EFHD1: variants seen among roughly 807,000 people sequenced by gnomAD.
EFHD1 encodes EF-hand domain family member D1, also known as EF-hand domain-containing protein D1.
In EFHD1, 10 loss-of-function variants were observed where a neutral mutation model predicts 17.2. The observed-to-expected ratio is 0.58, with a 90% CI of 0.36 to 0.99. The LOEUF is 0.99. Among genes scored for constraint, EFHD1 ranks in the 50% least tolerant of loss-of-function variants. The pLI is 0.01. For synonymous variants in EFHD1, 153 were observed against 142.0 expected, an observed-to-expected ratio of 1.08 and a Z score of -0.55; for missense variants, 310 against 327.5, an observed-to-expected ratio of 0.95 and a Z score of 0.41.
At chr2:232,658,245 C>G (rs1694798092) in intron 1 of EFHD1, among the ~76,000 whole-genome samples, 1 of 152,154 alleles carries the variant, frequency 6.6e-6, no homozygotes, top group Non-Finnish European at 1.5e-5. Flanking sequence ...CTGTGGACAT[C>G]ACACCAGCTT....
Position 232,681,643 on chromosome 2 carries a change from A to G in EFHD1, c.644A>G (p.Glu215Gly). 1 of 1,614,234 alleles carries G rather than the reference A, an allele frequency of 6.2e-7. No homozygotes were observed. Among genetic ancestry groups the G allele is most frequent in the Non-Finnish European group, 8.5e-7 (1 of 1,180,048 alleles). The stretch of plus-strand genomic sequence containing the variant: ...GCAGAGTTGAAAGCTGAGCAAGATG[A>G]GCGGAAGCGGGAGGAGGAGGAGAGG... ...FEAELKAEQD[E>G]RKREEEERRL... The change falls in exon 4 of 4, where the codon GAG (glutamate) becomes GGG (glycine). Residue 215 changes from glutamate to glycine, a missense_variant. Coordinates refer to ENST00000264059, the MANE Select transcript of EFHD1 (RefSeq NM_025202.4).
intron 1 of EFHD1, among the ~76,000 whole-genome samples, chr2:232,647,653 T>TTTTTTTTTTTA (rs1553599475): frequency 4.0e-5 from 6 of 151,564 alleles, no homozygotes; most frequent in South Asian, 2.1e-4. Flanking sequence ...CTTTTTTTTT[T>TTTTTTTTTTTA]GAGACGGAGT....
upstream of EFHD1, among the ~76,000 whole-genome samples, chr2:232,629,853 GT>G (rs201057827): frequency 0.081 from 12,142 of 150,046 alleles, 531 homozygotes; most frequent in Non-Finnish European, 0.098. Context: ...GCCCCCTTTA[GT>G]TTTTTTTTTC....
chr2:232,660,362 T>A (rs1454250491), intron 1 of EFHD1, among the ~76,000 whole-genome samples: 1 of 151,602 alleles, frequency 6.6e-6, no homozygotes, highest in Non-Finnish European at 1.5e-5. Flanking sequence ...GCCCGGCTCA[T>A]TTTTTGTATT....
At chr2:232,608,091 C>T (rs1193722131) in intron 1 of EFHD1, among the ~76,000 whole-genome samples, 3 of 152,090 alleles carry the variant, frequency 2.0e-5, no homozygotes, top group Non-Finnish European at 2.9e-5. Flanking sequence ...TGCTGTAGGC[C>T]GGGCGTGGTG....
chr2:232,608,570 G>A (rs564604429), intron 1 of EFHD1, among the ~76,000 whole-genome samples: 1 of 152,214 alleles, frequency 6.6e-6, no homozygotes, highest in South Asian at 2.1e-4. Flanking sequence ...ATGGGAATGG[G>A]GAGCCAATTG....
intron 1 of EFHD1, among the ~76,000 whole-genome samples, chr2:232,652,693 C>CTCAG (rs1694681894): frequency 6.6e-6 from 1 of 152,062 alleles, no homozygotes; most frequent in Admixed American, 6.6e-5. Flanking sequence ...ACTGCAAAGC[C>CTCAG]GACCAGTTTT....
intron 1 of EFHD1, among the ~76,000 whole-genome samples, chr2:232,640,777 C>G (rs1047678950): frequency 6.6e-6 from 1 of 152,132 alleles, no homozygotes; most frequent in African/African-American, 2.4e-5. Flanking sequence ...CCTCAGGCTG[C>G]TGCATTCAAA....
intron 1 of EFHD1, among the ~76,000 whole-genome samples, chr2:232,614,038 A>G (rs1031218850): frequency 6.0e-5 from 7 of 117,246 alleles, no homozygotes; most frequent in Non-Finnish European, 1.4e-4. Context: ...ACACAAACAT[A>G]CACAAACACA....
At chr2:232,662,741 C>T (rs1041886458) in intron 1 of EFHD1, 61 bp from the exon 2 acceptor site, 7 of 1,542,086 alleles carry the variant, frequency 4.5e-6, no homozygotes, top group Middle Eastern at 1.7e-4. Context: ...AAAGGAATTA[C>T]ATGTTTCGGA....
intron 2 of EFHD1, among the ~76,000 whole-genome samples, chr2:232,666,655 A>G (rs753984216): frequency 3.0e-4 from 46 of 152,142 alleles, no homozygotes; most frequent in African/African-American, 7.2e-5. Context: ...GAAATCTCCA[A>G]AGGGTTCCTG....
chr2:232,678,578 A>T (rs910559123), intron 3 of EFHD1, among the ~76,000 whole-genome samples: 3 of 152,124 alleles, frequency 2.0e-5, no homozygotes, highest in Non-Finnish European at 4.4e-5. Context: ...TGAGGTGGAG[A>T]GTTCGAAACC....
chr2:232,644,987 C>T (rs1694502320), intron 1 of EFHD1, among the ~76,000 whole-genome samples: 1 of 145,516 alleles, frequency 6.9e-6, no homozygotes, highest in Non-Finnish European at 1.5e-5. Flanking sequence ...TACTATGTTG[C>T]CCTGGATGGT....
intron 2 of EFHD1, among the ~76,000 whole-genome samples, chr2:232,669,078 C>T (rs1695019449): frequency 6.6e-6 from 1 of 152,144 alleles, no homozygotes; most frequent in South Asian, 2.1e-4. Context: ...CACGGAGCGA[C>T]CAGTATGTCA....
chr2:232,645,756 G>A (rs1279946128), intron 1 of EFHD1, among the ~76,000 whole-genome samples: 1 of 152,200 alleles, frequency 6.6e-6, no homozygotes, highest in Non-Finnish European at 1.5e-5. Flanking sequence ...ACACTCCAAA[G>A]GAGGTACGAT....
chr2:232,606,740 AT>A, intron 1 of EFHD1: 1 of 142,626 alleles, frequency 7.0e-6, no homozygotes, highest in Non-Finnish European at 1.5e-5. Context: ...AAAAAAAAAA[AT>A]TAGCCGGGCG....
chr2:232,670,949 A>T (rs1695056927), intron 2 of EFHD1, among the ~76,000 whole-genome samples: 1 of 152,208 alleles, frequency 6.6e-6, no homozygotes, highest in Admixed American at 6.6e-5. Flanking sequence ...AATATTATTT[A>T]GTTTTTAAAA....
chr2:232,630,035 C>CA (rs201401614), upstream of EFHD1, among the ~76,000 whole-genome samples: 2,259 of 152,120 alleles, frequency 0.015, 68 homozygotes, highest in African/African-American at 0.052. Context: ...CTGCAATCTC[C>CA]ACCTCCCAGG....
chr2:232,677,243 T>TACAC (rs569120803), intron 3 of EFHD1, among the ~76,000 whole-genome samples: 5 of 99,384 alleles, frequency 5.0e-5, no homozygotes, highest in African/African-American at 1.3e-4. Context: ...CACACACACG[T>TACAC]ACACACACAC....
Sources: allele counts gnomAD v4.1 joint callset (sites outside exome capture counted in the v4.1 genomes callset), GRCh38; gene constraint gnomAD v4.1.1; transcripts MANE v1.5; gene names NCBI Gene and HGNC (gene_info 2026-07-23, HGNC 2026-07-21).